Variants in RNF212B observed in about 807,000 individuals in gnomAD.
RNF212B encodes the protein ring finger protein 212B, also known as E3 ubiquitin-protein ligase RNF212B.
In RNF212B, 52 loss-of-function variants were observed where a neutral mutation model predicts 55.5. That is an observed-to-expected ratio of 0.94 (90% CI 0.75 to 1.18). RNF212B has a LOEUF of 1.18. Among genes scored for constraint, RNF212B ranks in the 50% most tolerant of loss-of-function variants. RNF212B has a pLI of 0.00. For synonymous variants in RNF212B, 99 were observed against 121.4 expected (o/e 0.82, Z 1.21); for missense variants, 289 against 350.4 (o/e 0.82, Z 1.40).
At chr14:23,267,898 CT>C (rs1885815987) in intron 11 of RNF212B, among the ~76,000 whole-genome samples, 1 of 152,022 alleles carries the variant, frequency 6.6e-6, no homozygotes, top group South Asian at 2.1e-4. Flanking sequence ...CTTGTTTTTT[CT>C]TTCATCTGTT....
At chr14:23,208,402 C>G (rs1267790043) in intron 2 of RNF212B, among the ~76,000 whole-genome samples, 3 of 152,078 alleles carry the variant, frequency 2.0e-5, no homozygotes, top group East Asian at 1.9e-4. Flanking sequence ...AAGATTGGAG[C>G]TGGAGAATAA....
intron 4 of RNF212B, among the ~76,000 whole-genome samples, chr14:23,255,359 T>C (rs1366108571): frequency 2.6e-5 from 4 of 152,176 alleles, no homozygotes. Flanking sequence ...AATAGTAAAA[T>C]GGTAGGAATC....
chr14:23,273,078 C>A lies in RNF212B; in HGVS notation c.*187C>A, dbSNP rs1375671858. ...CTCCCAGGACAGTGGTCAGGTCTTA[C>A]AAAAGGCTAGTGCTTCAGGAAGATG... is the stretch of plus-strand genomic sequence containing the variant. On this transcript the variant is annotated 3_prime_UTR_variant, in exon 15 of 15. Coordinates refer to ENST00000430154, the MANE Select transcript of RNF212B (RefSeq NM_001282322.3). 1 of 407,678 alleles carries A rather than the reference C, an allele frequency of 2.5e-6. No homozygotes were observed. Among genetic ancestry groups the A allele is most frequent in the Non-Finnish European group, 4.4e-6 (1 of 229,590 alleles). 25.3% of individuals were successfully genotyped at this position (407,678 alleles called of 1,614,324 possible).
upstream of RNF212B, among the ~76,000 whole-genome samples, chr14:23,234,920 A>G (rs1000244086): frequency 8.5e-5 from 13 of 152,150 alleles, no homozygotes; most frequent in Non-Finnish European, 1.9e-4. Context: ...TTAAAAAAAT[A>G]TTAAAAATTA....
intron 2 of RNF212B, among the ~76,000 whole-genome samples, chr14:23,232,786 G>T (rs571022247): frequency 3.2e-5 from 4 of 124,192 alleles, no homozygotes; most frequent in Non-Finnish European, 4.9e-5. Context: ...GAGGGAGGTG[G>T]GGGGGGGGTC....
intron 2 of RNF212B, among the ~76,000 whole-genome samples, chr14:23,224,643 GAAAC>G: frequency 2.6e-5 from 4 of 152,162 alleles, no homozygotes; most frequent in Non-Finnish European, 5.9e-5. Context: ...CTCAAACTAT[GAAAC>G]TACTTCAAGA....
chr14:23,240,639 A>G lies in RNF212B; in HGVS notation c.100+194A>G, dbSNP rs182818700. ...AAGAATGGTCCTAAATTATTTAGCA[A>G]ATGATTTAGCAAATCTATTACTTGA... is the stretch of plus-strand genomic sequence containing the variant. On this transcript the variant is annotated intron_variant, in intron 2 of 14. Coordinates refer to ENST00000430154, the MANE Select transcript of RNF212B (RefSeq NM_001282322.3). 5.9e-5 allele frequency among the ~76,000 whole-genome samples: 9 copies of G among 152,358 alleles called. No homozygotes were observed. The East Asian group carries it at 1.7e-3, about 29-fold the overall frequency.
Position 23,221,306 on chromosome 14 carries a change from T to G in RNF212B, c.-1-19039T>G, listed in dbSNP as rs115752347. On this transcript the variant is annotated intron_variant, in intron 2 of 15. Coordinates refer to the RNF212B transcript ENST00000399910. ...ATAGATAAAGGGATGTAAAAAGATG[T>G]GCCATGACAATGGAAACCAAAAAAG... 8.8e-3 allele frequency among the ~76,000 whole-genome samples: 1,318 copies of G among 150,554 alleles called. 24 individuals are homozygous for G. The highest frequency in any genetic ancestry group is 0.03 in the African/African-American group (1,247 of 41,160).
chr14:23,190,654 G>T (rs1878033802), intron 1 of RNF212B, among the ~76,000 whole-genome samples: 1 of 151,948 alleles, frequency 6.6e-6, no homozygotes, highest in African/African-American at 2.4e-5. Flanking sequence ...CCTTCTAATT[G>T]GTCTCCCAAT....
chr14:23,258,802 T>C (rs1010000137), intron 5 of RNF212B, 138 bp downstream of exon 5: 12 of 447,826 alleles, frequency 2.7e-5, no homozygotes, highest in African/African-American at 2.5e-4. Flanking sequence ...TACAGAATTT[T>C]TGATCCCCTG....
At chr14:23,204,459 C>T (rs1189672889) in intron 2 of RNF212B, among the ~76,000 whole-genome samples, 1 of 152,022 alleles carries the variant, frequency 6.6e-6, no homozygotes, top group Admixed American at 6.6e-5. Context: ...GCCAATTATC[C>T]CAGCGCCATT....
chr14:23,186,257 T>C (rs1210620605), intron 1 of RNF212B, among the ~76,000 whole-genome samples: 1 of 152,136 alleles, frequency 6.6e-6, no homozygotes, highest in Admixed American at 6.5e-5. Context: ...TGACTAACAT[T>C]GAACACAAGA....
intron 2 of RNF212B, among the ~76,000 whole-genome samples, chr14:23,205,002 GTT>G (rs1407308481): frequency 6.6e-6 from 1 of 152,036 alleles, no homozygotes; most frequent in Non-Finnish European, 1.5e-5. Context: ...TTTTAACTCA[GTT>G]TTTTTCCTAA....
chr14:23,187,137 T>C (rs1318007809), intron 1 of RNF212B, among the ~76,000 whole-genome samples: 1 of 152,166 alleles, frequency 6.6e-6, no homozygotes, highest in African/African-American at 2.4e-5. Flanking sequence ...TTCAGCTGTT[T>C]TGCGTGCTTC....
At chr14:23,221,112 C>T (rs575520878) in intron 2 of RNF212B, among the ~76,000 whole-genome samples, 49 of 151,944 alleles carry the variant, frequency 3.2e-4, no homozygotes, top group East Asian at 2.5e-3. Flanking sequence ...TCAGGCCAGG[C>T]GCAGTGGCTC....
At chr14:23,253,632 G>A (rs908286364) in intron 4 of RNF212B, among the ~76,000 whole-genome samples, 1 of 152,174 alleles carries the variant, frequency 6.6e-6, no homozygotes, top group East Asian at 1.9e-4. Flanking sequence ...AGCCATTGAT[G>A]AACTTTGCAG....
At chr14:23,271,379 C>A (rs542361138) in intron 14 of RNF212B, among the ~76,000 whole-genome samples, 24 of 151,614 alleles carry the variant, frequency 1.6e-4, no homozygotes, top group African/African-American at 5.3e-4. Flanking sequence ...GGAGGCGGAG[C>A]TTGCAGTGAG....
chr14:23,262,102 T>C (rs557356163), intron 7 of RNF212B, among the ~76,000 whole-genome samples: 32 of 152,354 alleles, frequency 2.1e-4, no homozygotes, highest in Non-Finnish European at 3.8e-4. Flanking sequence ...AGTTACAGTC[T>C]AATGTTCTTT....
intron 11 of RNF212B, among the ~76,000 whole-genome samples, 168 bp downstream of exon 11, chr14:23,264,839 G>A (rs1885565841): frequency 1.4e-5 from 2 of 143,266 alleles, no homozygotes; most frequent in Admixed American, 7.2e-5. Flanking sequence ...TTTTTTTGGT[G>A]AGATGGAGAT....
Sources: allele counts gnomAD v4.1 joint callset (sites outside exome capture counted in the v4.1 genomes callset), GRCh38; gene constraint gnomAD v4.1.1; transcripts MANE v1.5; gene names NCBI Gene and HGNC (gene_info 2026-07-23, HGNC 2026-07-21).